Variants in TRPM2 observed in about 807,000 individuals in gnomAD.
The protein encoded by TRPM2 is transient receptor potential cation channel subfamily M member 2.
In TRPM2, 161 loss-of-function variants were observed where a neutral mutation model predicts 174.0. The observed-to-expected ratio is 0.93, with a 90% CI of 0.81 to 1.05. The LOEUF is 1.05. Ranked by LOEUF, TRPM2 falls within the 50% of genes least tolerant of loss-of-function variation. The probability of loss-of-function intolerance (pLI) is 0.00; values close to 1 mark genes in which losing one functional copy is unlikely to be tolerated. For synonymous variants in TRPM2, 954 were observed against 861.3 expected, an observed-to-expected ratio of 1.11 and a Z score of -1.88; for missense variants, 2,057 against 2,038.0, an observed-to-expected ratio of 1.01 and a Z score of -0.18.
intron 5 of TRPM2, among the ~76,000 whole-genome samples, chr21:44,372,007 G>A (rs7280756): frequency 0.034 from 5,194 of 152,220 alleles, 264 homozygotes; most frequent in African/African-American, 0.11. Context: ...AGTGGCAGGC[G>A]CCTGTAATCC....
At chr21:44,433,391 C>T (rs1472582805) in intron 27 of TRPM2, among the ~76,000 whole-genome samples, 2 of 152,260 alleles carry the variant, frequency 1.3e-5, no homozygotes, top group Admixed American at 6.5e-5. Flanking sequence ...CCCAGCAGCA[C>T]GACCTCTGCC....
chr21:44,390,999 A>G lies in TRPM2; in HGVS notation c.1414A>G (p.Ile472Val), dbSNP rs2049155804. The G allele has an allele frequency of 6.2e-7, 1 of 1,614,028 alleles. No homozygotes were observed. ...WNRVDIARSE[I>V]FMDEWQWKPS... ...TCGCGTGGACATTGCCCGCAGTGAG[A>G]TCTTCATGGATGAGTGGCAGTGGAA... Residue 472 changes from isoleucine to valine, a missense_variant, in exon 10 of 32, where the codon ATC (isoleucine) becomes GTC (valine). Coordinates refer to ENST00000397928, the MANE Select transcript of TRPM2 (RefSeq NM_003307.4).
chr21:44,405,331 G>A (rs2049831465), intron 17 of TRPM2, 71 bp downstream of exon 17: 1 of 1,590,042 alleles, frequency 6.3e-7, no homozygotes, highest in Non-Finnish European at 8.5e-7. Flanking sequence ...CACAGGCCGG[G>A]CCCAGAACCA....
At chr21:44,425,343 C>G (rs2050720858) in intron 24 of TRPM2, 1 of 406,130 alleles carries the variant, frequency 2.5e-6, no homozygotes, top group Non-Finnish European at 4.4e-6. Flanking sequence ...CAGTAGCCTT[C>G]CTCGGGCTGC....
chr21:44,382,775 G>T lies in TRPM2; in HGVS notation c.1273G>T (p.Gly425Cys), dbSNP rs1602180061. ...LLTVFREGKD[G>C]QQDVDVAILQ... Reference sequence around the variant, plus strand: ...GACTGTCTTCCGGGAAGGCAAGGATGGTCAGCAGGACGTGGATGTGGCCAT... The same window carrying T: ...GACTGTCTTCCGGGAAGGCAAGGATTGTCAGCAGGACGTGGATGTGGCCAT... The change falls in exon 9 of 32, where the codon GGT becomes TGT. Residue 425 changes from glycine (G) to cysteine (C), a missense_variant. Coordinates refer to ENST00000397928, the MANE Select transcript of TRPM2 (RefSeq NM_003307.4). 1.2e-6 allele frequency: 2 copies of T among 1,614,062 alleles called. No individual in the cohort carries two copies. Among genetic ancestry groups the T allele is most frequent in the Non-Finnish European group, 1.7e-6 (2 of 1,180,010 alleles).
intron 12 of TRPM2, 67 bp from the exon 13 acceptor site, chr21:44,397,680 G>A: frequency 6.7e-7 from 1 of 1,489,582 alleles, no homozygotes; most frequent in Non-Finnish European, 9.0e-7. Flanking sequence ...CTGGGGCAGT[G>A]TGTTGGGTTC....
chr21:44,414,116 G>C (rs774814835), intron 20 of TRPM2, 42 bp downstream of exon 20: 2 of 1,589,432 alleles, frequency 1.3e-6, no homozygotes, highest in Non-Finnish European at 1.7e-6. Flanking sequence ...GGGTGGGTGG[G>C]CGGCGTTCCT....
At position 44,382,711 on chromosome 21, in the gene TRPM2, G is replaced by A. The variant is rs767196152; in HGVS notation, c.1216-7G>A. On this transcript the variant is annotated splice_polypyrimidine_tract_variant and splice_region_variant and intron_variant, in intron 8 of 31. Coordinates refer to ENST00000397928, the MANE Select transcript of TRPM2 (RefSeq NM_003307.4). Reference sequence around the variant, plus strand: ...TGTGTGTCTCACTTAGAAAATGCTTGTTGCAGATCCAAGATATCGTCCGGA... The same window carrying A: ...TGTGTGTCTCACTTAGAAAATGCTTATTGCAGATCCAAGATATCGTCCGGA... 1 of 1,613,622 alleles carries A rather than the reference G, an allele frequency of 6.2e-7. No homozygotes were observed. Among genetic ancestry groups the A allele is most frequent in the East Asian group, 2.2e-5 (1 of 44,868 alleles).
chr21:44,419,579 G>A (rs1196294864), intron 22 of TRPM2, among the ~76,000 whole-genome samples: 19 of 434 alleles, frequency 0.044, no homozygotes, highest in Non-Finnish European at 0.048. Flanking sequence ...GGTGGTGATG[G>A]TAGTGGTGGT....
upstream of TRPM2, chr21:44,353,595 T>C (rs1485323764): frequency 1.5e-5 from 20 of 1,339,870 alleles, no homozygotes; most frequent in Admixed American, 8.2e-4. Context: ...CTCTGATCTA[T>C]TTCAGCAACC....
At chr21:44,359,721 G>GTA (rs1034942871) in intron 2 of TRPM2, among the ~76,000 whole-genome samples, 53 of 148,908 alleles carry the variant, frequency 3.6e-4, no homozygotes, top group East Asian at 3.9e-4. Flanking sequence ...TCTCATCTGT[G>GTA]TATATATATA....
intron 23 of TRPM2, among the ~76,000 whole-genome samples, chr21:44,423,958 TC>T (rs1487296484): frequency 1.3e-5 from 2 of 152,168 alleles, no homozygotes; most frequent in African/African-American, 2.4e-5. Flanking sequence ...CACTGAGGCC[TC>T]CACGGCCGGG....
intron 27 of TRPM2, among the ~76,000 whole-genome samples, chr21:44,430,293 C>T (rs2146395997): frequency 6.6e-6 from 1 of 152,148 alleles, no homozygotes; most frequent in East Asian, 1.9e-4. Context: ...AGCTTTCCTT[C>T]TTTTCTCTTC....
chr21:44,382,534 A>G (rs1050786839), intron 8 of TRPM2, among the ~76,000 whole-genome samples, 184 bp from the exon 9 acceptor site: 8 of 152,140 alleles, frequency 5.3e-5, no homozygotes, highest in Non-Finnish European at 1.0e-4. Flanking sequence ...AACATGATGT[A>G]TTTGGTCCCC....
chr21:44,371,834 C>T (rs1261319938), intron 5 of TRPM2, among the ~76,000 whole-genome samples: 3 of 152,200 alleles, frequency 2.0e-5, no homozygotes, highest in African/African-American at 7.2e-5. Context: ...AATATGTTCA[C>T]ACCATTGCCA....
chr21:44,412,621 C>T (rs1337714232), intron 19 of TRPM2, among the ~76,000 whole-genome samples: 1 of 151,786 alleles, frequency 6.6e-6, no homozygotes, highest in East Asian at 1.9e-4. Context: ...TTCTTTCCTT[C>T]CTTCTGCTTG....
chr21:44,390,073 C>T (rs2049126881), intron 9 of TRPM2, among the ~76,000 whole-genome samples: 1 of 151,982 alleles, frequency 6.6e-6, no homozygotes, highest in Admixed American at 6.6e-5. Context: ...AGGGTTTCGC[C>T]GTGTTAGCCA....
At chr21:44,355,162 C>T (rs1324364207) in intron 2 of TRPM2, among the ~76,000 whole-genome samples, 1 of 152,178 alleles carries the variant, frequency 6.6e-6, no homozygotes, top group Admixed American at 6.5e-5. Context: ...CACAGCTTGC[C>T]AAAGCCAGAG....
At position 44,353,846 on chromosome 21, in the gene TRPM2, C is replaced by T. The variant is rs147380466; in HGVS notation, c.146C>T (p.Pro49Leu). ...TTCAAGAGCTGGAGGCTACAGTGCC[C>T]CTTCGGCAACAATGACAAGGTAGGC... ...SLFKSWRLQC[P>L]FGNNDKQESL... The change falls in exon 1 of 32, where the codon CCC (proline) becomes CTC (leucine). Residue 49 changes from proline to leucine, a missense_variant. By Grantham distance (98) the Pro-to-Leu change is moderately conservative. Transcript: ENST00000397928. 2.6e-5 allele frequency: 42 copies of T among 1,598,812 alleles called. No individual in the cohort carries two copies. The highest frequency in any genetic ancestry group is 2.6e-4 in the African/African-American group (19 of 73,836).
Sources: allele counts gnomAD v4.1 joint callset (sites outside exome capture counted in the v4.1 genomes callset), GRCh38; gene constraint gnomAD v4.1.1; transcripts MANE v1.5; gene names NCBI Gene and HGNC (gene_info 2026-07-23, HGNC 2026-07-21).